SFI1: variants seen among roughly 807,000 people sequenced by gnomAD.
SFI1 encodes the protein protein SFI1 homolog.
In SFI1, 195 loss-of-function variants were observed where a neutral mutation model predicts 207.5. That is an observed-to-expected ratio of 0.94 (90% confidence interval 0.84 to 1.06). SFI1 has a LOEUF of 1.06. Ranked by LOEUF, SFI1 falls within the 50% of genes least tolerant of loss-of-function variation. The pLI is 0.00. For synonymous variants in SFI1, 630 were observed against 598.9 expected, an observed-to-expected ratio of 1.05 and a Z score of -0.76; for missense variants, 1,634 against 1,588.0, an observed-to-expected ratio of 1.03 and a Z score of -0.49.
At chr22:31,594,955 A>G (rs929715426) in intron 15 of SFI1, among the ~76,000 whole-genome samples, 15 of 151,684 alleles carry the variant, frequency 9.9e-5, no homozygotes, top group African/African-American at 3.1e-4. Context: ...TTCTTAGTAT[A>G]TGGTGGGACA....
rs772825304 is a variant in SFI1, at chr22:31,546,893, T to C, written c.371T>C (p.Val124Ala). The C allele has an allele frequency of 2.6e-5, 42 of 1,612,114 alleles. No individual in the cohort carries two copies. The highest frequency in any genetic ancestry group is 5.0e-5 in the Admixed American group (3 of 59,740). Residue 124 changes from valine (V) to alanine (A), a missense_variant, in exon 5 of 33, where the codon GTC (valine) becomes GCC (alanine). Val to Ala is a moderately conservative substitution (Grantham distance 64, BLOSUM62 0). Coordinates refer to ENST00000400288, the MANE Select transcript of SFI1 (RefSeq NM_001007467.3). ...FYYEQRLLRK[V>A]FEEWKEEWWV... The stretch of plus-strand genomic sequence containing the variant: ...TATGAGCAGCGATTACTACGGAAGG[T>C]CTTCGAAGAATGGAAAGAGGAGTGG...
At chr22:31,538,609 C>G (rs567826983) in intron 4 of SFI1, 1 of 152,546 alleles carries the variant, frequency 6.6e-6, no homozygotes, top group Non-Finnish European at 1.5e-5. Flanking sequence ...GTTAAAGTCA[C>G]TACATTTGCT....
In SFI1 at chr22:31,573,104, A is replaced by C; in HGVS notation, c.812A>C (p.Lys271Thr). The change falls in exon 9 of 33, where the codon AAA (lysine) becomes ACA (threonine). Residue 271 changes from lysine (K) to threonine (T), a missense_variant. Coordinates refer to ENST00000400288, the MANE Select transcript of SFI1 (RefSeq NM_001007467.3). Reference protein sequence around the residue: ...REQLLYVQKEKQKVVSAVKHH... With the variant: ...REQLLYVQKETQKVVSAVKHH... Reference sequence around the variant, plus strand: ...CAGCTCCTGTATGTCCAGAAGGAGAAACAAAAGGTTGTCTCTGCAGTGAAA... The same window carrying C: ...CAGCTCCTGTATGTCCAGAAGGAGACACAAAAGGTTGTCTCTGCAGTGAAA... The C allele has an allele frequency of 6.2e-7, 1 of 1,613,970 alleles. No individual in the cohort carries two copies. Among genetic ancestry groups the C allele is most frequent in the Non-Finnish European group, 8.5e-7 (1 of 1,179,984 alleles).
chr22:31,511,852 A>G (rs947828495), intron 2 of SFI1, among the ~76,000 whole-genome samples: 2 of 151,900 alleles, frequency 1.3e-5, no homozygotes, highest in Non-Finnish European at 2.9e-5. Context: ...GAGCTTCGCC[A>G]TGTTGGTCTG....
At chr22:31,598,989 T>C in intron 15 of SFI1, among the ~76,000 whole-genome samples, 1 of 150,118 alleles carries the variant, frequency 6.7e-6, no homozygotes, top group Admixed American at 6.7e-5. Context: ...AGACGGGGTT[T>C]CACTGTGTTG....
chr22:31,539,397 A>G (rs541482422), intron 4 of SFI1, among the ~76,000 whole-genome samples: 3 of 152,172 alleles, frequency 2.0e-5, no homozygotes, highest in East Asian at 3.9e-4. Context: ...TGTGTCACCT[A>G]TTGAGTTTGT....
intron 6 of SFI1, among the ~76,000 whole-genome samples, chr22:31,554,903 C>G (rs2061013027): frequency 6.6e-6 from 1 of 152,062 alleles, no homozygotes; most frequent in Non-Finnish European, 1.5e-5. Context: ...CTGATTTTCC[C>G]TGAGACCTCA....
rs1228513460 is a variant in SFI1 at position 31,528,706 on chromosome 22, G to A, written c.109G>A (p.Ala37Thr). 6 of 1,614,004 alleles carry A rather than the reference G, an allele frequency of 3.7e-6. No individual in the cohort carries two copies. Among genetic ancestry groups the A allele is most frequent in the Middle Eastern group, 3.3e-4 (2 of 6,056 alleles). The change falls in exon 3 of 33, where the codon GCA becomes ACA. Residue 37 changes from alanine (A) to threonine (T), a missense_variant. Transcript: ENST00000400288. ...KVDSRYFKDGAVKKPYSAKTL... is the reference protein window; with the variant it reads ...KVDSRYFKDGTVKKPYSAKTL... ...AAATTTAAGGTATTTTAAGGATGGT[G>A]CAGTTAAGAAACCTTATTCTGCAAA...
chr22:31,561,547 T>A (rs561590894), intron 8 of SFI1, among the ~76,000 whole-genome samples, 155 bp downstream of exon 8: 7 of 152,332 alleles, frequency 4.6e-5, no homozygotes, highest in Admixed American at 1.3e-4. Flanking sequence ...AGAGGGAGGC[T>A]GCTGTTAGGA....
chr22:31,562,016 T>G (rs2061758870), intron 8 of SFI1, among the ~76,000 whole-genome samples: 1 of 152,212 alleles, frequency 6.6e-6, no homozygotes. Context: ...AATAGTATCT[T>G]CTTATTCTAA....
Position 31,611,137 on chromosome 22 carries a change from C to T in SFI1, c.2255-6C>T. 2 of 1,614,170 alleles carry T rather than the reference C, an allele frequency of 1.2e-6. No homozygotes were observed. The highest frequency in any genetic ancestry group is 2.2e-5 in the East Asian group (1 of 44,890). ...AACAGCAAACTCTGACTTGGATCTG[C>T]CTTAGGCTGTCTGCGGACCTGGTTT... is the stretch of plus-strand genomic sequence containing the variant. On this transcript the variant is annotated splice_polypyrimidine_tract_variant and splice_region_variant and intron_variant, in intron 22 of 32. Transcript: ENST00000400288.
At chr22:31,569,417 A>G (rs541395134) in intron 8 of SFI1, among the ~76,000 whole-genome samples, 1 of 152,306 alleles carries the variant, frequency 6.6e-6, no homozygotes, top group East Asian at 1.9e-4. Flanking sequence ...CCTAATGCAA[A>G]TCTCTCAGTT....
chr22:31,559,632 A>G (rs944885846), intron 7 of SFI1: 1 of 712,434 alleles, frequency 1.4e-6, no homozygotes, highest in Non-Finnish European at 2.6e-6. Context: ...GCTGACGTTG[A>G]CCTCACCAAG....
intron 12 of SFI1, among the ~76,000 whole-genome samples, chr22:31,583,065 A>G (rs950523982): frequency 1.3e-5 from 2 of 152,148 alleles, no homozygotes; most frequent in African/African-American, 4.8e-5. Context: ...CTAGGACTAC[A>G]GGTGCATACC....
chr22:31,613,900 A>C, intron 27 of SFI1, 45 bp downstream of exon 27: 1 of 1,540,470 alleles, frequency 6.5e-7, no homozygotes. Context: ...ACCCTGGGCA[A>C]AAGGTTGGAT....
chr22:31,596,783 CA>C (rs11427119), intron 15 of SFI1, among the ~76,000 whole-genome samples: 25,480 of 111,424 alleles, frequency 0.23, 3,270 homozygotes, highest in East Asian at 0.44. Context: ...GATTCCATCT[CA>C]AAAAAAAAAA....
chr22:31,532,996 T>C (rs2058667099), intron 4 of SFI1, among the ~76,000 whole-genome samples: 1 of 152,158 alleles, frequency 6.6e-6, no homozygotes, highest in Non-Finnish European at 1.5e-5. Flanking sequence ...GTTCATGGCA[T>C]GTCATAGGAC....
At position 31,604,411 on chromosome 22, in the gene SFI1, A is replaced by G. The variant is rs2068624278; in HGVS notation, c.1977+7A>G. 6.6e-7 allele frequency: 1 copy of G among 1,514,228 alleles called. No homozygotes were observed. 93.8% of individuals were successfully genotyped at this position (1,514,228 alleles called of 1,614,324 possible). Reference sequence around the variant, plus strand: ...GGCGCTGCAGGCATGGGTGGTAGGAACTGCTGCTTCCCTCCTGATCTTGCT... The same window carrying G: ...GGCGCTGCAGGCATGGGTGGTAGGAGCTGCTGCTTCCCTCCTGATCTTGCT... On this transcript the variant is annotated splice_region_variant and intron_variant, in intron 19 of 32. Coordinates refer to ENST00000400288, the MANE Select transcript of SFI1 (RefSeq NM_001007467.3).
chr22:31,602,889 C>T (rs566892926), intron 17 of SFI1, 104 bp downstream of exon 17: 11 of 1,268,420 alleles, frequency 8.7e-6, no homozygotes, highest in Non-Finnish European at 1.1e-5. Context: ...ACTGCATTAC[C>T]CCAGACTCTG....
Sources: allele counts gnomAD v4.1 joint callset (sites outside exome capture counted in the v4.1 genomes callset), GRCh38; gene constraint gnomAD v4.1.1; transcripts MANE v1.5; gene names NCBI Gene and HGNC (gene_info 2026-07-23, HGNC 2026-07-21).